Variants in NKD1 observed in about 807,000 individuals in gnomAD.
NKD1 encodes NKD inhibitor of Wnt signaling pathway 1.
NKD1 carries 21 observed loss-of-function variants against 56.0 expected under a neutral mutation model. The ratio of observed to expected loss-of-function variants is 0.38; its 90% CI spans 0.27 to 0.54. NKD1 has a LOEUF of 0.54. NKD1 is among the 20% of genes least tolerant of loss of function. NKD1 has a pLI of 0.82. For synonymous variants in NKD1, 263 were observed against 265.7 expected, an observed-to-expected ratio of 0.99 and a Z score of 0.10; for missense variants, 578 against 642.7, an observed-to-expected ratio of 0.90 and a Z score of 1.09.
chr16:50,618,396 G>A (rs1220411181), intron 4 of NKD1, among the ~76,000 whole-genome samples: 1 of 152,198 alleles, frequency 6.6e-6, no homozygotes, highest in African/African-American at 2.4e-5. Flanking sequence ...GGCCTGGGTG[G>A]CCTGCAGCGA....
Position 50,549,424 on chromosome 16 carries a change from G to T in NKD1, c.61G>T (p.Asp21Tyr). Reference sequence around the variant, plus strand: ...GCTTCATGTCGTCCCCGTCCCAGGTGACAGCTTCGCCGTGAGCGCTGCCTG... The same window carrying T: ...GCTTCATGTCGTCCCCGTCCCAGGTTACAGCTTCGCCGTGAGCGCTGCCTG... ...VCKRRESPEG[D>Y]SFAVSAAWAR... Residue 21 changes from aspartate to tyrosine, a missense_variant and splice_region_variant, in exon 3 of 10, where the codon GAC (aspartate) becomes TAC (tyrosine). Physicochemically the swap from Asp to Tyr is radical, Grantham distance 160. Transcript: ENST00000268459. 1 of 1,610,958 alleles carries T rather than the reference G, an allele frequency of 6.2e-7. No homozygotes were observed. The highest frequency in any genetic ancestry group is 1.3e-5 in the African/African-American group (1 of 74,784).
chr16:50,618,410 C>T (rs1962010955), intron 4 of NKD1, among the ~76,000 whole-genome samples: 1 of 152,196 alleles, frequency 6.6e-6, no homozygotes, highest in Non-Finnish European at 1.5e-5. Flanking sequence ...GCAGCGAGCA[C>T]CAGTCCGCCT....
rs777762024 is a variant in NKD1, at chr16:50,632,329, C to T, written c.744C>T (p.Cys248=). Residue 248 remains cysteine (C), a synonymous_variant, in exon 9 of 10, where the codon TGC becomes TGT. Transcript: ENST00000268459. This position sits in a 1 kb window ranked among gnomAD's most constrained non-coding sequence, Gnocchi z 4.1. The part of the protein sequence containing the change: ...RLEQSGCYHH[C]VDENIERRNH... Reference sequence around the variant, plus strand: ...AGCAGTCTGGCTGCTACCACCATTGCGTAGATGAGAACATCGAGAGGAGAA... The same window carrying T: ...AGCAGTCTGGCTGCTACCACCATTGTGTAGATGAGAACATCGAGAGGAGAA... The T allele has an allele frequency of 3.5e-5, 56 of 1,613,908 alleles. No homozygotes were observed. The highest frequency in any genetic ancestry group is 3.2e-4 in the South Asian group (29 of 91,090).
intron 3 of NKD1, chr16:50,556,860 C>G (rs1018361218): frequency 1.3e-5 from 2 of 151,966 alleles, no homozygotes; most frequent in African/African-American, 4.8e-5. Flanking sequence ...AGGCGTGAAC[C>G]ACTGTGCCCA....
At chr16:50,575,443 G>A in intron 3 of NKD1, 1 of 699,420 alleles carries the variant, frequency 1.4e-6, no homozygotes, top group African/African-American at 1.9e-5. Context: ...CCTGGGAGAA[G>A]GGATTTGAAG....
rs1368561486 is a variant in NKD1 at position 50,649,173 on chromosome 16, CA to C, written c.*15393del. 2.6e-5 allele frequency: 4 copies of C among 152,204 alleles called. No homozygotes were observed. The highest frequency in any genetic ancestry group is 4.4e-5 in the Non-Finnish European group (3 of 68,044). 9.4% of individuals were successfully genotyped at this position (152,204 alleles called of 1,614,324 possible). On this transcript the variant is annotated 3_prime_UTR_variant, in exon 10 of 10. Coordinates refer to ENST00000268459, the MANE Select transcript of NKD1 (RefSeq NM_033119.5). ...AAAGATGGTGGCAGTGAAACTGGTA[CA>C]TGGGACCTGACTGGGCTTTGTTTGC...
intron 3 of NKD1, among the ~76,000 whole-genome samples, chr16:50,600,727 A>G (rs1321032423): frequency 2.0e-5 from 3 of 152,130 alleles, no homozygotes; most frequent in East Asian, 1.9e-4. Context: ...GGATTGGGCA[A>G]CCCGTCTCTA....
rs1007000640 is a variant in NKD1 at position 50,639,119 on chromosome 16, A to C, written c.*5338A>C. 5 of 152,158 alleles carry C rather than the reference A, an allele frequency of 3.3e-5. No individual in the cohort carries two copies. Among genetic ancestry groups the C allele is most frequent in the African/African-American group, 1.2e-4 (5 of 41,420 alleles). The allele number at this position is 152,158 out of a possible 1,614,324, so 9.4% of individuals were successfully genotyped here. On this transcript the variant is annotated 3_prime_UTR_variant, in exon 10 of 10. Transcript: ENST00000268459. ...TGGTGCAGGGGTCCCACCTCTGATGATGCTGAGTGGTGGGTCTGGGGTGTG... is the reference window on the plus strand; with the variant it reads ...TGGTGCAGGGGTCCCACCTCTGATGCTGCTGAGTGGTGGGTCTGGGGTGTG...
Position 50,645,169 on chromosome 16 carries a change from C to T in NKD1, c.*11388C>T, listed in dbSNP as rs1360894505. ...CATGCTCAGCACTCGATAAAACAGA[C>T]ATCATCTCTACCTACCTTTGTGGAG... is the stretch of plus-strand genomic sequence containing the variant. On this transcript the variant is annotated 3_prime_UTR_variant, in exon 10 of 10. Coordinates refer to ENST00000268459, the MANE Select transcript of NKD1 (RefSeq NM_033119.5). 6.6e-6 allele frequency: 1 copy of T among 152,256 alleles called. No individual in the cohort carries two copies. The highest frequency in any genetic ancestry group is 2.4e-5 in the African/African-American group (1 of 41,466). The allele number at this position is 152,256 out of a possible 1,614,324, so 9.4% of individuals were successfully genotyped here. A position where few individuals can be genotyped will look rare whatever the true frequency, so the allele number is the denominator to read the frequency against.
intron 3 of NKD1, among the ~76,000 whole-genome samples, chr16:50,571,165 T>A (rs1015567490): frequency 6.6e-6 from 1 of 152,190 alleles, no homozygotes; most frequent in Non-Finnish European, 1.5e-5. Flanking sequence ...TTTCAAGGCC[T>A]TGGAAATTGT....
chr16:50,630,706 C>T, intron 7 of NKD1, 120 bp from the exon 8 acceptor site: 2 of 810,896 alleles, frequency 2.5e-6, no homozygotes, highest in Non-Finnish European at 1.9e-6. Flanking sequence ...TTTATTTAGC[C>T]CCAGCTCAGG....
In NKD1 at chr16:50,570,302, C is replaced by T. The variant is rs184656240; in HGVS notation, c.192+20747C>T. Among the ~76,000 whole-genome samples the T allele has an allele frequency of 3.6e-3, 543 of 152,106 alleles. 3 individuals are homozygous for T. Among genetic ancestry groups the T allele is most frequent in the African/African-American group, 0.013 (521 of 41,470 alleles). ...GGGGATGATGTTGACCCCAAGGAGGCAGAAATTGGTTCTTGGGGGGCAAAG... is the reference window on the plus strand; with the variant it reads ...GGGGATGATGTTGACCCCAAGGAGGTAGAAATTGGTTCTTGGGGGGCAAAG... On this transcript the variant is annotated intron_variant, in intron 3 of 9. Coordinates refer to ENST00000268459, the MANE Select transcript of NKD1 (RefSeq NM_033119.5).
At chr16:50,607,276 C>G (rs182518308) in intron 3 of NKD1, 1 of 258,772 alleles carries the variant, frequency 3.9e-6, no homozygotes, top group East Asian at 8.9e-5. Context: ...ATCAGCAATA[C>G]AAAGCCGTGT....
chr16:50,612,316 T>C (rs1184158015), intron 4 of NKD1, among the ~76,000 whole-genome samples: 1 of 152,226 alleles, frequency 6.6e-6, no homozygotes, highest in Non-Finnish European at 1.5e-5. Context: ...TCCTTTCATC[T>C]GTAGTTGGAA....
At chr16:50,549,053 C>T (rs1960310757) in intron 2 of NKD1, 1 of 231,996 alleles carries the variant, frequency 4.3e-6, no homozygotes, top group Non-Finnish European at 6.9e-6. Context: ...AGACCCTGCC[C>T]CCTCTTCCTG....
chr16:50,609,136 T>G (rs1961785499), intron 4 of NKD1, among the ~76,000 whole-genome samples: 1 of 152,246 alleles, frequency 6.6e-6, no homozygotes, highest in Non-Finnish European at 1.5e-5. Context: ...CTGCTTGCTT[T>G]CTTCATGGTG....
At chr16:50,614,841 C>T (rs1245248257) in intron 4 of NKD1, among the ~76,000 whole-genome samples, 1 of 152,168 alleles carries the variant, frequency 6.6e-6, no homozygotes, top group Non-Finnish European at 1.5e-5. Flanking sequence ...CAAATACAAA[C>T]ACATATGACC....
Position 50,639,910 on chromosome 16 carries a change from G to C in NKD1, c.*6129G>C, listed in dbSNP as rs1473648572. On this transcript the variant is annotated 3_prime_UTR_variant, in exon 10 of 10. Coordinates refer to ENST00000268459, the MANE Select transcript of NKD1 (RefSeq NM_033119.5). ...CTTCTCTTCCCAGTCTTCCCACTTT[G>C]CTTGGGGGTCCTTGGTCAAGGCCAG... 6.6e-6 allele frequency: 1 copy of C among 152,250 alleles called. No individual in the cohort carries two copies. The highest frequency in any genetic ancestry group is 6.5e-5 in the Admixed American group (1 of 15,282). The allele number at this position is 152,250 out of a possible 1,614,324, so 9.4% of individuals were successfully genotyped here.
intron 3 of NKD1, among the ~76,000 whole-genome samples, chr16:50,565,340 C>A (rs898367147): frequency 4.7e-5 from 7 of 149,210 alleles, no homozygotes; most frequent in African/African-American, 7.5e-5. Flanking sequence ...CCACTGCACT[C>A]CAGTCTGGGC....
Sources: gnomAD v4.1 joint callset for allele counts (sites outside exome capture counted in the v4.1 genomes callset) on GRCh38, gnomAD v4.1.1 for gene constraint, Gnocchi (gnomAD v3.1) non-coding constraint, MANE v1.5 for transcripts, NCBI Gene and HGNC (gene_info 2026-07-23, HGNC 2026-07-21) for gene names.